DCC: variants seen among roughly 807,000 people sequenced by gnomAD.
DCC encodes the protein netrin receptor DCC.
DCC carries 58 observed loss-of-function variants against 172.5 expected under a neutral mutation model. The observed-to-expected ratio is 0.34, with a 90% CI of 0.27 to 0.42. DCC has a LOEUF of 0.42. DCC is among the 10% of genes least tolerant of loss of function. The pLI, the probability that DCC is intolerant of heterozygous loss-of-function variation, is 1.00. For missense variants in DCC, 1,740 were observed against 1,791.0 expected (o/e 0.97, Z 0.51); for synonymous variants, 709 against 644.5 (o/e 1.10, Z -1.52).
chr18:52,805,832 GGGATCTCAAGAGATAGGCAGTACCAGCT>G (rs2038074536), intron 2 of DCC, among the ~76,000 whole-genome samples: 1 of 152,164 alleles, frequency 6.6e-6, no homozygotes, highest in African/African-American at 2.4e-5. Flanking sequence ...CAATTTTCAA[GGGATCTCAAGAGATAGGCAGTACCAGCT>G]GACATGTGGA....
chr18:53,058,992 G>C (rs2042455293), intron 5 of DCC, among the ~76,000 whole-genome samples: 1 of 151,970 alleles, frequency 6.6e-6, no homozygotes, highest in South Asian at 2.1e-4. Context: ...AGGTTTAATT[G>C]ACTCACAGTT....
intron 10 of DCC, among the ~76,000 whole-genome samples, chr18:53,206,729 G>C (rs977361905): frequency 1.3e-5 from 2 of 149,144 alleles, no homozygotes; most frequent in African/African-American, 4.9e-5. Flanking sequence ...CTTCATGTAG[G>C]AAAATATATA....
chr18:53,468,623 T>A, intron 25 of DCC, among the ~76,000 whole-genome samples: 1 of 152,230 alleles, frequency 6.6e-6, no homozygotes, highest in Non-Finnish European at 1.5e-5. Flanking sequence ...CCTCATGTGA[T>A]CCGTCTTCTT....
intron 7 of DCC, among the ~76,000 whole-genome samples, chr18:53,136,120 T>TA (rs34432576): frequency 0.033 from 4,998 of 149,816 alleles, 173 homozygotes; most frequent in East Asian, 0.11. Context: ...TCTGCAGTTG[T>TA]AAAAAAAAAA....
At chr18:53,484,870 T>C (rs1460605979) in intron 25 of DCC, among the ~76,000 whole-genome samples, 1 of 152,098 alleles carries the variant, frequency 6.6e-6, no homozygotes, top group Non-Finnish European at 1.5e-5. Context: ...GCATATTGCT[T>C]TGGGTAGTAT....
intron 7 of DCC, among the ~76,000 whole-genome samples, chr18:53,101,281 T>C (rs1370156520): frequency 6.6e-6 from 1 of 152,046 alleles, no homozygotes; most frequent in Non-Finnish European, 1.5e-5. Flanking sequence ...CACTTGGCAT[T>C]GTGCTTGTTC....
intron 12 of DCC, among the ~76,000 whole-genome samples, chr18:53,304,823 C>T (rs60453854): frequency 0.043 from 6,504 of 152,118 alleles, 446 homozygotes; most frequent in African/African-American, 0.14. Context: ...TTTAGTTTTC[C>T]GGCTCTCTTC....
intron 7 of DCC, among the ~76,000 whole-genome samples, chr18:53,078,096 C>A (rs1351613913): frequency 6.6e-6 from 1 of 152,124 alleles, no homozygotes; most frequent in East Asian, 1.9e-4. Context: ...ATGCTATATT[C>A]ATTATTCAAT....
chr18:53,509,345 T>TATAA (rs1181979103), intron 27 of DCC, among the ~76,000 whole-genome samples: 2 of 152,250 alleles, frequency 1.3e-5, no homozygotes, highest in Non-Finnish European at 2.9e-5. Context: ...TGATTTGAGA[T>TATAA]ATAAATATTA....
At chr18:52,482,187 C>T (rs911294208) in intron 1 of DCC, among the ~76,000 whole-genome samples, 12 of 152,226 alleles carry the variant, frequency 7.9e-5, no homozygotes, top group Admixed American at 7.9e-4. Flanking sequence ...CCCTAATCCT[C>T]CTAATAGAGT....
At chr18:53,447,112 A>G (rs1031822188) in intron 22 of DCC, among the ~76,000 whole-genome samples, 7 of 152,244 alleles carry the variant, frequency 4.6e-5, no homozygotes, top group Admixed American at 1.3e-4. Flanking sequence ...TTGATAAAAC[A>G]GTGTGATCAG....
At chr18:52,837,936 A>G (rs1367784496) in intron 2 of DCC, among the ~76,000 whole-genome samples, 2 of 152,190 alleles carry the variant, frequency 1.3e-5, no homozygotes, top group African/African-American at 4.8e-5. Context: ...CCTTCTTCAC[A>G]TGGTGGCAGG....
intron 2 of DCC, among the ~76,000 whole-genome samples, chr18:52,782,819 T>C (rs1263974189): frequency 2.0e-5 from 3 of 152,080 alleles, no homozygotes; most frequent in Non-Finnish European, 4.4e-5. Flanking sequence ...ATTTGAGAAG[T>C]TAAGGGGAAT....
intron 1 of DCC, among the ~76,000 whole-genome samples, chr18:52,386,851 C>T (rs1051651455): frequency 5.3e-5 from 8 of 152,042 alleles, no homozygotes; most frequent in African/African-American, 1.7e-4. Context: ...AATCACCTTT[C>T]ACCATAAGCT....
intron 5 of DCC, among the ~76,000 whole-genome samples, chr18:52,946,803 A>G (rs1449816368): frequency 6.6e-6 from 1 of 152,218 alleles, no homozygotes; most frequent in Admixed American, 6.5e-5. Flanking sequence ...ATTGTGATCA[A>G]TAATTTAATC....
intron 5 of DCC, among the ~76,000 whole-genome samples, chr18:52,990,339 G>C (rs1445804626): frequency 6.6e-6 from 1 of 151,984 alleles, no homozygotes; most frequent in African/African-American, 2.4e-5. Flanking sequence ...TCAGGAGTTT[G>C]AGATCAGCCT....
chr18:53,422,556 A>G (rs1415549976), intron 21 of DCC, among the ~76,000 whole-genome samples: 1 of 152,180 alleles, frequency 6.6e-6, no homozygotes, highest in Non-Finnish European at 1.5e-5. Flanking sequence ...CACCTAGTTT[A>G]AAGGACTTTG....
chr18:53,332,474 G>C (rs1253943252), intron 14 of DCC, among the ~76,000 whole-genome samples: 2 of 152,132 alleles, frequency 1.3e-5, no homozygotes, highest in Non-Finnish European at 1.5e-5. Context: ...AATGCTACAT[G>C]AGCAAAAATT....
intron 1 of DCC, among the ~76,000 whole-genome samples, chr18:52,717,859 A>G (rs1467736196): frequency 1.3e-5 from 2 of 152,214 alleles, no homozygotes; most frequent in African/African-American, 4.8e-5. Context: ...AAAATTCAAA[A>G]ACAGGCAGAA....
Sources: allele counts gnomAD v4.1 joint callset (sites outside exome capture counted in the v4.1 genomes callset), GRCh38; gene constraint gnomAD v4.1.1; transcripts MANE v1.5; gene names NCBI Gene and HGNC (gene_info 2026-07-23, HGNC 2026-07-21).